Variants in GASK1A observed in about 807,000 individuals in gnomAD.
The protein encoded by GASK1A is golgi associated kinase 1A, also known as Golgi-associated kinase 1A.
A neutral mutation model predicts 41.2 loss-of-function variants in GASK1A; 40 were observed. The observed-to-expected ratio is 0.97, with a 90% CI of 0.75 to 1.27. The LOEUF (loss-of-function observed/expected upper bound fraction) is 1.27. Ranked by LOEUF, GASK1A falls within the 50% of genes most tolerant of loss-of-function variation. The pLI is 0.00. For synonymous variants in GASK1A, 316 were observed against 307.1 expected (o/e 1.03, Z -0.30); for missense variants, 678 against 745.1 (o/e 0.91, Z 1.05).
chr3:43,005,056 CACTG>C (rs35759250), intron 1 of GASK1A, among the ~76,000 whole-genome samples: 54,019 of 151,822 alleles, frequency 0.36, 10,121 homozygotes, highest in Non-Finnish European at 0.43. Flanking sequence ...TCTTCTCTCT[CACTG>C]ACTCTGATTC....
chr3:43,011,718 A>T (rs2089464396), intron 1 of GASK1A, among the ~76,000 whole-genome samples: 2 of 151,722 alleles, frequency 1.3e-5, no homozygotes, highest in South Asian at 4.2e-4. Context: ...AGCCAGAGAA[A>T]GGGGCTACGT....
chr3:43,049,729 A>G (rs1388104242), intron 2 of GASK1A, among the ~76,000 whole-genome samples: 2 of 152,188 alleles, frequency 1.3e-5, no homozygotes, highest in African/African-American at 4.8e-5. Context: ...TGGGGACAGT[A>G]CTTGGGACTA....
intron 2 of GASK1A, among the ~76,000 whole-genome samples, chr3:43,050,268 GA>G (rs923996002): frequency 6.6e-6 from 1 of 152,038 alleles, no homozygotes; most frequent in Non-Finnish European, 1.5e-5. Flanking sequence ...CTTAATTTTT[GA>G]AGGATAGTTT....
intron 1 of GASK1A, among the ~76,000 whole-genome samples, chr3:43,030,585 C>T (rs1036072978): frequency 7.9e-5 from 12 of 152,234 alleles, no homozygotes; most frequent in Non-Finnish European, 1.5e-4. Flanking sequence ...TTCTCTCTCC[C>T]TGCAGACTGG....
rs1355974535 is a variant in GASK1A, at chr3:43,056,336, G to T, written c.1678G>T (p.Gly560Ter). The change falls in exon 5 of 5, where the codon GGA becomes TGA. Residue 560 changes from glycine to a stop codon, truncating the protein, a stop_gained. Transcript: ENST00000430121. LOFTEE classifies it high-confidence loss of function. ...TLEQRGQVLL[G>*]HIQKHNLTLF... ...GGAGCAGCGAGGACAGGTGCTGCTG[G>T]GACACATCCAAAAGCACAACCTCAC... The T allele has an allele frequency of 1.7e-5, 27 of 1,551,146 alleles. No individual in the cohort carries two copies. Among genetic ancestry groups the T allele is most frequent in the Non-Finnish European group, 2.1e-5 (24 of 1,146,976 alleles).
chr3:43,046,917 G>A (rs1414923272), intron 2 of GASK1A, among the ~76,000 whole-genome samples: 1 of 152,262 alleles, frequency 6.6e-6, no homozygotes, highest in East Asian at 1.9e-4. Flanking sequence ...TGTTGCACCT[G>A]TGGCTGCACA....
chr3:43,004,363 A>G (rs1395975678), intron 1 of GASK1A, among the ~76,000 whole-genome samples: 1 of 152,208 alleles, frequency 6.6e-6, no homozygotes, highest in Non-Finnish European at 1.5e-5. Context: ...GATCTTGCCA[A>G]TACTTCCCCC....
Position 43,036,690 on chromosome 3 carries a change from G to T in GASK1A, c.1290+3137G>T, listed in dbSNP as rs1215012311. Among the ~76,000 whole-genome samples the T allele has an allele frequency of 2.0e-5, 3 of 152,232 alleles. No individual in the cohort carries two copies. In the East Asian group the frequency reaches 5.8e-4, roughly 29 times the overall value. On this transcript the variant is annotated intron_variant, in intron 2 of 4. Transcript: ENST00000430121. Reference sequence around the variant, plus strand: ...TGTGGGTCAATTGGATTCAACTGAGGTGGAAAAAAAGGAAAAAAGTAAACA... The same window carrying T: ...TGTGGGTCAATTGGATTCAACTGAGTTGGAAAAAAAGGAAAAAAGTAAACA...
At position 43,057,029 on chromosome 3, in the gene GASK1A, G is replaced by A. The variant is rs1193037101; in HGVS notation, c.*643G>A. On this transcript the variant is annotated 3_prime_UTR_variant, in exon 5 of 5. Transcript: ENST00000430121. Reference sequence around the variant, plus strand: ...TCCCTAGCGGTGTGTATGTGTGTGTGTGTTATTCATGGTCACACTACATGC... The same window carrying A: ...TCCCTAGCGGTGTGTATGTGTGTGTATGTTATTCATGGTCACACTACATGC... The A allele has an allele frequency of 1.4e-5, 2 of 147,248 alleles. No homozygotes were observed. The highest frequency in any genetic ancestry group is 1.5e-5 in the Non-Finnish European group (1 of 64,994). The allele number at this position is 147,248 out of a possible 1,614,324, so 9.1% of individuals were successfully genotyped here. A position where few individuals can be genotyped will look rare whatever the true frequency, so the allele number is the denominator to read the frequency against.
At chr3:43,009,676 C>A (rs2089454028) in intron 1 of GASK1A, among the ~76,000 whole-genome samples, 1 of 152,216 alleles carries the variant, frequency 6.6e-6, no homozygotes, top group Non-Finnish European at 1.5e-5. Context: ...CTGGAGGCAA[C>A]ATCCTTCTAG....
intron 2 of GASK1A, among the ~76,000 whole-genome samples, chr3:43,035,132 C>T (rs1478297488): frequency 3.3e-5 from 5 of 152,196 alleles, no homozygotes; most frequent in Non-Finnish European, 5.9e-5. Context: ...CCACTGTGTA[C>T]CCCTGGGCAG....
intron 2 of GASK1A, among the ~76,000 whole-genome samples, chr3:43,041,834 G>A (rs1054744657): frequency 2.0e-4 from 30 of 152,226 alleles, no homozygotes; most frequent in African/African-American, 4.8e-4. Flanking sequence ...ACAGATTTGC[G>A]ATGAACTATT....
intron 2 of GASK1A, chr3:43,037,120 C>CAA: frequency 1.2e-6 from 1 of 807,684 alleles, no homozygotes; most frequent in Non-Finnish European, 2.0e-6. Flanking sequence ...GTCAGTACCT[C>CAA]AAACCAGGCA....
intron 1 of GASK1A, among the ~76,000 whole-genome samples, chr3:43,026,957 T>C (rs1046806433): frequency 6.6e-6 from 1 of 152,222 alleles, no homozygotes; most frequent in Admixed American, 6.5e-5. Context: ...TCAACACTGA[T>C]AGATCTTAGG....
chr3:43,000,605 A>G (rs72869047), intron 1 of GASK1A, among the ~76,000 whole-genome samples: 1,839 of 152,362 alleles, frequency 0.012, 36 homozygotes, highest in African/African-American at 0.038. Flanking sequence ...CCGACATTGC[A>G]TATTATCTTT....
At chr3:42,986,477 A>AAT (rs1280342555) in intron 1 of GASK1A, among the ~76,000 whole-genome samples, 2 of 152,154 alleles carry the variant, frequency 1.3e-5, no homozygotes, top group Admixed American at 6.5e-5. Context: ...TGTAAATTAA[A>AAT]ATATATATAT....
At chr3:43,012,207 T>C (rs1405172815) in intron 1 of GASK1A, among the ~76,000 whole-genome samples, 10 of 137,270 alleles carry the variant, frequency 7.3e-5, no homozygotes, top group African/African-American at 2.8e-4. Flanking sequence ...TGGGAAGCCA[T>C]AGAAAGGGGC....
At chr3:42,999,418 C>T (rs1346189931) in intron 1 of GASK1A, among the ~76,000 whole-genome samples, 1 of 152,186 alleles carries the variant, frequency 6.6e-6, no homozygotes, top group African/African-American at 2.4e-5. Context: ...AGCTGTCAAC[C>T]CCAAGCCTGC....
chr3:43,008,393 C>G (rs1231386175), intron 1 of GASK1A, among the ~76,000 whole-genome samples: 1 of 152,220 alleles, frequency 6.6e-6, no homozygotes, highest in East Asian at 1.9e-4. Flanking sequence ...CTTCCTAGTC[C>G]TCTGAAGCCG....
Sources: allele counts gnomAD v4.1 joint callset (sites outside exome capture counted in the v4.1 genomes callset), GRCh38; gene constraint gnomAD v4.1.1; transcripts MANE v1.5; gene names NCBI Gene and HGNC (gene_info 2026-07-23, HGNC 2026-07-21).